Variants in RPH3AL observed in about 807,000 individuals in gnomAD.
The protein encoded by RPH3AL is rab effector Noc2.
In RPH3AL, 38 loss-of-function variants were observed where a neutral mutation model predicts 43.1. The observed-to-expected ratio is 0.88, with a 90% CI of 0.68 to 1.15. The LOEUF (loss-of-function observed/expected upper bound fraction) is 1.15, where lower values mean the gene tolerates loss of function less well. Ranked by LOEUF, RPH3AL falls within the 50% of genes most tolerant of loss-of-function variation. The pLI is 0.00. For synonymous variants in RPH3AL, 189 were observed against 176.3 expected (o/e 1.07, Z -0.57); for missense variants, 462 against 423.2 (o/e 1.09, Z -0.81).
At chr17:240,541 C>T (rs1284323563) in intron 7 of RPH3AL, among the ~76,000 whole-genome samples, 1 of 152,162 alleles carries the variant, frequency 6.6e-6, no homozygotes, top group African/African-American at 2.4e-5. Flanking sequence ...TAGATGAGAT[C>T]ACACAACACG....
intron 1 of RPH3AL, among the ~76,000 whole-genome samples, chr17:349,726 C>T (rs971759500): frequency 2.6e-5 from 4 of 152,126 alleles, no homozygotes; most frequent in African/African-American, 9.7e-5. Context: ...TAAAATAATG[C>T]TTCTCCTCCA....
At chr17:230,394 C>T (rs530148632) in intron 7 of RPH3AL, among the ~76,000 whole-genome samples, 2 of 152,274 alleles carry the variant, frequency 1.3e-5, no homozygotes, top group East Asian at 1.9e-4. Flanking sequence ...CCAGAGAGAA[C>T]GCGAAGTGCG....
At chr17:317,714 G>C (rs771211811) in intron 5 of RPH3AL, among the ~76,000 whole-genome samples, 2 of 152,344 alleles carry the variant, frequency 1.3e-5, no homozygotes, top group African/African-American at 2.4e-5. Flanking sequence ...AAAGAAATGA[G>C]GTAGCTGAAG....
chr17:226,252 T>G (rs1357316124), intron 7 of RPH3AL, among the ~76,000 whole-genome samples: 2 of 151,864 alleles, frequency 1.3e-5, no homozygotes, highest in African/African-American at 4.8e-5. Context: ...GAGCCTCAGA[T>G]GCCAACTGAG....
At position 346,128 on chromosome 17, in the gene RPH3AL, G is replaced by C. The variant is rs1031632267; in HGVS notation, c.-213+6584C>G. Among the ~76,000 whole-genome samples the C allele has an allele frequency of 4.4e-5, 6 of 134,934 alleles. 3 individuals carry two copies. The highest frequency in any genetic ancestry group is 4.9e-4 in the South Asian group (2 of 4,120). 88.5% of individuals were successfully genotyped at this position (134,934 alleles called of 152,430 possible). On this transcript the variant is annotated intron_variant, in intron 1 of 9. Coordinates refer to ENST00000331302, the MANE Select transcript of RPH3AL (RefSeq NM_006987.4). The stretch of plus-strand genomic sequence containing the variant: ...CAGGTTTTAACAACCCCATTGTACA[G>C]GTGAGCAAACTGAGGCTCAGAGAGG...
chr17:223,383 G>A (rs528105947), intron 7 of RPH3AL, among the ~76,000 whole-genome samples: 1 of 152,184 alleles, frequency 6.6e-6, no homozygotes, highest in Non-Finnish European at 1.5e-5. Flanking sequence ...GATGGGACAG[G>A]AGTCATGGGC....
Position 328,606 on chromosome 17 carries a change from G to A in RPH3AL, c.-36-1027C>T, listed in dbSNP as rs1049857631. 2.6e-5 allele frequency among the ~76,000 whole-genome samples: 4 copies of A among 152,098 alleles called. No individual in the cohort carries two copies. Among genetic ancestry groups the A allele is most frequent in the South Asian group, 2.1e-4 (1 of 4,820 alleles). On this transcript the variant is annotated intron_variant, in intron 2 of 9. Coordinates refer to ENST00000331302, the MANE Select transcript of RPH3AL (RefSeq NM_006987.4). This position sits in a 1 kb window ranked among gnomAD's most constrained non-coding sequence, Gnocchi z 4.2. ...TCCTCACCAAAACCTGTACACAAACGTTCTTAGCAGCACTATTCATGACCG... is the reference window on the plus strand; with the variant it reads ...TCCTCACCAAAACCTGTACACAAACATTCTTAGCAGCACTATTCATGACCG...
At chr17:315,864 G>A (rs1598102952) in intron 5 of RPH3AL, among the ~76,000 whole-genome samples, 2 of 146,294 alleles carry the variant, frequency 1.4e-5, no homozygotes, top group Admixed American at 6.8e-5. Context: ...TGTAGTCCCT[G>A]TGCCCCCACC....
intron 1 of RPH3AL, chr17:339,194 C>T (rs2045047909): frequency 6.6e-6 from 1 of 152,282 alleles, no homozygotes; most frequent in Admixed American, 6.5e-5. Context: ...CACTGCCCTG[C>T]CTGGGAACAA....
At chr17:253,128 T>G (rs1323271010) in intron 6 of RPH3AL, among the ~76,000 whole-genome samples, 1 of 152,048 alleles carries the variant, frequency 6.6e-6, no homozygotes, top group African/African-American at 2.4e-5. Context: ...ACGGTGGGCT[T>G]GGGGAGAGGC....
At chr17:331,898 C>T in intron 2 of RPH3AL, 1 of 1,284,278 alleles carries the variant, frequency 7.8e-7, no homozygotes, top group Non-Finnish European at 1.0e-6. Context: ...AAAAATTAAA[C>T]TGATGAGGGA....
rs1227085976 is a variant in RPH3AL, at chr17:323,812, T to TGAGGCA, written c.78-2398_78-2397insTGCCTC. Among the ~76,000 whole-genome samples, 1 of 151,318 alleles carries TGAGGCA rather than the reference T, an allele frequency of 6.6e-6. No homozygotes were observed. Among genetic ancestry groups the TGAGGCA allele is most frequent in the African/African-American group, 2.4e-5 (1 of 41,106 alleles). ...GTCACCCCGAGGCAGGCCCGGACCC[T>TGAGGCA]CCATCACCCCGCGAGACAGTCCAGA... On this transcript the variant is annotated intron_variant, in intron 3 of 9. Transcript: ENST00000331302. This position sits in a 1 kb window ranked among gnomAD's most constrained non-coding sequence, Gnocchi z 4.4.
At chr17:238,967 G>C (rs7213583) in intron 7 of RPH3AL, among the ~76,000 whole-genome samples, 54,719 of 152,010 alleles carry the variant, frequency 0.36, 9,972 homozygotes, top group Admixed American at 0.38. Context: ...AAGAGCAGGG[G>C]AGAGCACACA....
Position 333,053 on chromosome 17 carries a change from CAGG to C in RPH3AL, c.-37+703_-37+705del. The C allele has an allele frequency of 1.6e-6, 2 of 1,289,104 alleles. No individual in the cohort carries two copies. The highest frequency in any genetic ancestry group is 2.0e-6 in the Non-Finnish European group (2 of 988,694). The allele number at this position is 1,289,104 out of a possible 1,614,324, so 79.9% of individuals were successfully genotyped here. A position where few individuals can be genotyped will look rare whatever the true frequency, so the allele number is the denominator to read the frequency against. On this transcript the variant is annotated intron_variant, in intron 2 of 9. Coordinates refer to ENST00000331302, the MANE Select transcript of RPH3AL (RefSeq NM_006987.4). This position sits in a 1 kb window ranked among gnomAD's most constrained non-coding sequence, Gnocchi z 4.5. ...GATCGGTAAAAACAACCCCTTCTTC[CAGG>C]AGGATGCAATTCTCTCTCTAAAGTC...
chr17:253,621 G>C lies in RPH3AL; in HGVS notation c.439-6336C>G, dbSNP rs28556780. 4.6e-3 allele frequency among the ~76,000 whole-genome samples: 515 copies of C among 112,690 alleles called. 40 individuals are homozygous for C. The highest frequency in any genetic ancestry group is 9.7e-3 in the Middle Eastern group (2 of 206). 73.9% of individuals were successfully genotyped at this position (112,690 alleles called of 152,430 possible). A position where few individuals can be genotyped will look rare whatever the true frequency, so the allele number is the denominator to read the frequency against. ...GAAACTCTATAACCACTAAGCAATAGCTCTCCTCTGCCCTGGCCCCTGGCC... is the reference window on the plus strand; with the variant it reads ...GAAACTCTATAACCACTAAGCAATACCTCTCCTCTGCCCTGGCCCCTGGCC... On this transcript the variant is annotated intron_variant, in intron 6 of 9. Coordinates refer to ENST00000331302, the MANE Select transcript of RPH3AL (RefSeq NM_006987.4).
At chr17:268,896 T>C (rs1437012600) in intron 6 of RPH3AL, among the ~76,000 whole-genome samples, 1 of 152,158 alleles carries the variant, frequency 6.6e-6, no homozygotes, top group African/African-American at 2.4e-5. Flanking sequence ...ATTATTTTTT[T>C]GAGACGGAGT....
chr17:279,429 C>T (rs183596752), intron 6 of RPH3AL, among the ~76,000 whole-genome samples: 10 of 152,198 alleles, frequency 6.6e-5, no homozygotes, highest in Middle Eastern at 3.4e-3. Context: ...AAAGTAATAG[C>T]GTAATGCACA....
Position 333,042 on chromosome 17 carries a change from A to T in RPH3AL, c.-37+717T>A, listed in dbSNP as rs759511184. 41 of 1,288,868 alleles carry T rather than the reference A, an allele frequency of 3.2e-5. No homozygotes were observed. The highest frequency in any genetic ancestry group is 4.1e-5 in the Non-Finnish European group (41 of 988,686). 79.8% of individuals were successfully genotyped at this position (1,288,868 alleles called of 1,614,324 possible). On this transcript the variant is annotated intron_variant, in intron 2 of 9. Coordinates refer to ENST00000331302, the MANE Select transcript of RPH3AL (RefSeq NM_006987.4). This position sits in a 1 kb window ranked among gnomAD's most constrained non-coding sequence, Gnocchi z 4.5. ...TTCCTGAGACAGATCGGTAAAAACA[A>T]CCCCTTCTTCCAGGAGGATGCAATT...
rs1179963143 is a variant in RPH3AL, at chr17:215,787, G to T, written c.743C>A (p.Ala248Asp). 1 of 1,302,946 alleles carries T rather than the reference G, an allele frequency of 7.7e-7. No homozygotes were observed. The highest frequency in any genetic ancestry group is 9.8e-7 in the Non-Finnish European group (1 of 1,022,334). 80.7% of individuals were successfully genotyped at this position (1,302,946 alleles called of 1,614,324 possible). A position where few individuals can be genotyped will look rare whatever the true frequency, so the allele number is the denominator to read the frequency against. The change falls in exon 9 of 10, where the codon GCC (alanine) becomes GAC (aspartate). Residue 248 changes from alanine to aspartate, a missense_variant. By Grantham distance (126) the Ala-to-Asp change is moderately radical. Transcript: ENST00000331302. The surrounding 1 kb of genome is among the most constrained non-coding windows in gnomAD (Gnocchi z 4.1). ...PWKESGGSVEAPRMGFTHPPG... is the reference protein window; with the variant it reads ...PWKESGGSVEDPRMGFTHPPG... ...CGGGTGGGTGAACCCCATCCTGGGGGCCTCCACGCTGCCACCTGTGGGAAA... is the reference window on the plus strand; with the variant it reads ...CGGGTGGGTGAACCCCATCCTGGGGTCCTCCACGCTGCCACCTGTGGGAAA...
Sources: gnomAD v4.1 joint callset for allele counts (sites outside exome capture counted in the v4.1 genomes callset) on GRCh38, gnomAD v4.1.1 for gene constraint, Gnocchi (gnomAD v3.1) non-coding constraint, MANE v1.5 for transcripts, NCBI Gene and HGNC (gene_info 2026-07-23, HGNC 2026-07-21) for gene names.